Variants in EGF observed in about 807,000 individuals in gnomAD.
EGF encodes epidermal growth factor.
A neutral mutation model predicts 143.8 loss-of-function variants in EGF; 95 were observed. The observed-to-expected ratio is 0.66, with a 90% CI of 0.56 to 0.78. The LOEUF (loss-of-function observed/expected upper bound fraction) is 0.78. EGF is among the 30% of genes least tolerant of loss of function. The probability of loss-of-function intolerance (pLI) is 0.00; values close to 1 mark genes in which losing one functional copy is unlikely to be tolerated. For synonymous variants in EGF, 510 were observed against 510.5 expected (o/e 1.00, Z 0.01); for missense variants, 1,320 against 1,470.9 (o/e 0.90, Z 1.68).
At chr4:109,934,413 G>C (rs890405038) in intron 1 of EGF, among the ~76,000 whole-genome samples, 1 of 151,984 alleles carries the variant, frequency 6.6e-6, no homozygotes, top group African/African-American at 2.4e-5. Context: ...GGGTTGTTTG[G>C]TTTTTTCTTG....
intron 22 of EGF, among the ~76,000 whole-genome samples, chr4:110,006,083 G>A (rs1214223700): frequency 6.6e-6 from 1 of 152,178 alleles, no homozygotes; most frequent in African/African-American, 2.4e-5. Context: ...GCTCATGCCT[G>A]TAATCCCCAT....
At chr4:109,939,198 C>G (rs558410573) in intron 1 of EGF, among the ~76,000 whole-genome samples, 2 of 152,340 alleles carry the variant, frequency 1.3e-5, no homozygotes, top group East Asian at 3.9e-4. Context: ...TTCCCTGCCT[C>G]TTTGTTTACA....
At chr4:109,986,419 G>A (rs1398004780) in intron 16 of EGF, among the ~76,000 whole-genome samples, 2 of 152,158 alleles carry the variant, frequency 1.3e-5, no homozygotes, top group African/African-American at 4.8e-5. Flanking sequence ...TAAGAGTCAT[G>A]AGTGACAGGA....
At chr4:109,932,204 A>T (rs1739828284) in intron 1 of EGF, among the ~76,000 whole-genome samples, 2 of 151,562 alleles carry the variant, frequency 1.3e-5, no homozygotes, top group African/African-American at 4.8e-5. Context: ...AACAGAACAC[A>T]ATTATTTCTT....
chr4:109,928,785 C>T (rs1739201392), intron 1 of EGF, among the ~76,000 whole-genome samples: 1 of 152,080 alleles, frequency 6.6e-6, no homozygotes, highest in Non-Finnish European at 1.5e-5. Context: ...ATCTTAAGAT[C>T]TTTCTTTTAA....
intron 5 of EGF, among the ~76,000 whole-genome samples, chr4:109,956,589 ATTTTAT>A (rs1347915181): frequency 6.6e-6 from 1 of 152,194 alleles, no homozygotes; most frequent in Non-Finnish European, 1.5e-5. Flanking sequence ...AATTTAGGCC[ATTTTAT>A]TTTTAATTTT....
intron 12 of EGF, among the ~76,000 whole-genome samples, chr4:109,975,535 T>C (rs963316087): frequency 6.6e-6 from 1 of 152,246 alleles, no homozygotes; most frequent in East Asian, 1.9e-4. Flanking sequence ...TGAAATTAAC[T>C]GAGTTAATAG....
chr4:109,944,139 T>C, intron 4 of EGF, 70 bp downstream of exon 4: 1 of 1,489,958 alleles, frequency 6.7e-7, no homozygotes, highest in Non-Finnish European at 9.2e-7. Flanking sequence ...TAATTTTACT[T>C]TTGTCAATGG....
At chr4:109,997,692 C>T (rs1335986642) in intron 20 of EGF, among the ~76,000 whole-genome samples, 3 of 152,014 alleles carry the variant, frequency 2.0e-5, no homozygotes, top group South Asian at 2.1e-4. Context: ...CCTCGTGATC[C>T]GCCCGCCTGG....
intron 1 of EGF, among the ~76,000 whole-genome samples, chr4:109,921,530 G>A (rs1241747303): frequency 1.3e-5 from 2 of 151,506 alleles, no homozygotes; most frequent in Non-Finnish European, 2.9e-5. Context: ...GTGATTCATG[G>A]TAGGCACTAA....
chr4:109,951,927 C>T (rs1179995911), intron 5 of EGF, among the ~76,000 whole-genome samples: 6 of 151,978 alleles, frequency 3.9e-5, no homozygotes, highest in Admixed American at 3.9e-4. Flanking sequence ...GAGTCAAAAC[C>T]CTATTTCTCT....
In EGF at chr4:109,939,524, G is replaced by A. The variant is rs568809024; in HGVS notation, c.128-1422G>A. ...ATGAGGCAACACCCCACCCTGCTTCGGCTGGCCCTCCGTGGGCTGCACCCA... is the reference window on the plus strand; with the variant it reads ...ATGAGGCAACACCCCACCCTGCTTCAGCTGGCCCTCCGTGGGCTGCACCCA... On this transcript the variant is annotated intron_variant, in intron 1 of 23. Transcript: ENST00000265171. 1.8e-4 allele frequency among the ~76,000 whole-genome samples: 28 copies of A among 152,322 alleles called. No individual in the cohort carries two copies. In the South Asian group the frequency reaches 4.8e-3, roughly 26 times the overall value.
In EGF at chr4:109,988,631, T is replaced by C. The variant is rs762703977; in HGVS notation, c.2656T>C (p.Ser886Pro). Reference sequence around the variant, plus strand: ...TGTCCCAGTGTGCCCCCCTGCCTCCTCCAAGTGCATCAACACCGAAGGTGG... The same window carrying C: ...TGTCCCAGTGTGCCCCCCTGCCTCCCCCAAGTGCATCAACACCGAAGGTGG... ...MGVPVCPPAS[S>P]KCINTEGGYV... The change falls in exon 18 of 24, where the codon TCC (serine) becomes CCC (proline). Residue 886 changes from serine to proline, a missense_variant. By Grantham distance (74) the Ser-to-Pro change is moderately conservative. Coordinates refer to ENST00000265171, the MANE Select transcript of EGF (RefSeq NM_001963.6). 1.2e-6 allele frequency: 2 copies of C among 1,613,980 alleles called. No individual in the cohort carries two copies. Among genetic ancestry groups the C allele is most frequent in the East Asian group, 4.5e-5 (2 of 44,894 alleles).
Position 109,941,049 on chromosome 4 carries a change from G to A in EGF, c.231G>A (p.Val77=). Residue 77 remains valine (V), a synonymous_variant, in exon 2 of 24, where the codon GTG becomes GTA. Coordinates refer to ENST00000265171, the MANE Select transcript of EGF (RefSeq NM_001963.6). ...TGGTGGTGGATGCTGGTGTCTCAGT[G>A]ATCATGGATTTTCATTATAATGAGA... ...EQLVVDAGVS[V]IMDFHYNEKR... 6.2e-7 allele frequency: 1 copy of A among 1,614,010 alleles called. No individual in the cohort carries two copies. The highest frequency in any genetic ancestry group is 8.5e-7 in the Non-Finnish European group (1 of 1,179,950).
At position 109,969,102 on chromosome 4, in the gene EGF, C is replaced by A; in HGVS notation, c.1707C>A (p.Phe569Leu). The A allele has an allele frequency of 6.2e-7, 1 of 1,613,984 alleles. No individual in the cohort carries two copies. The highest frequency in any genetic ancestry group is 8.5e-7 in the Non-Finnish European group (1 of 1,179,972). ...GLAVDWIGRR[F>L]YWTDRGKSLI... ...CTGTGGACTGGATTGGCCGTAGATT[C>A]TATTGGACAGACAGAGGGTATGTTT... The change falls in exon 11 of 24, where the codon TTC (phenylalanine) becomes TTA (leucine). Residue 569 changes from phenylalanine to leucine, a missense_variant. Physicochemically the swap from Phe to Leu is conservative, Grantham distance 22. This residue lies in a region of EGF where 1,186 missense variants were observed against 1,313.7 expected (regional missense o/e 0.90). Transcript: ENST00000265171.
At chr4:109,995,529 TCC>T (rs1751677827) in intron 20 of EGF, among the ~76,000 whole-genome samples, 1 of 152,188 alleles carries the variant, frequency 6.6e-6, no homozygotes, top group Non-Finnish European at 1.5e-5. Flanking sequence ...TATGAGACAT[TCC>T]CACTGTGCTC....
intron 15 of EGF, among the ~76,000 whole-genome samples, chr4:109,982,477 A>C (rs1749527764): frequency 1.3e-5 from 2 of 151,642 alleles, no homozygotes; most frequent in African/African-American, 2.4e-5. Flanking sequence ...ACAGGCGTGC[A>C]CCATCATGCC....
rs1748487299 is a variant in EGF at position 109,976,252 on chromosome 4, G to A, written c.2053+17G>A. 3.1e-6 allele frequency: 5 copies of A among 1,608,162 alleles called. No homozygotes were observed. In the East Asian group the frequency reaches 8.9e-5, roughly 29 times the overall value. On this transcript the variant is annotated intron_variant, in intron 13 of 23. Coordinates refer to ENST00000265171, the MANE Select transcript of EGF (RefSeq NM_001963.6). ...ATGATGTAGGTGAGGCTTTGGGATG[G>A]GCGATTTTTTCATCTTGACTGAGTG...
chr4:109,936,934 C>G (rs1740931172), intron 1 of EGF, among the ~76,000 whole-genome samples: 1 of 152,046 alleles, frequency 6.6e-6, no homozygotes, highest in Non-Finnish European at 1.5e-5. Context: ...TTTGCATTTG[C>G]TGAGGAGTGT....
Sources: gnomAD v4.1 joint callset for allele counts (sites outside exome capture counted in the v4.1 genomes callset) on GRCh38, gnomAD v4.1.1 for gene constraint, gnomAD v4.1.1 regional missense constraint, MANE v1.5 for transcripts, NCBI Gene and HGNC (gene_info 2026-07-23, HGNC 2026-07-21) for gene names.